The following FREM2 variants were observed in gnomAD, a reference collection of about 807,000 sequenced individuals.
FREM2 encodes the protein FRAS1-related extracellular matrix protein 2.
In FREM2, 119 loss-of-function variants were observed where a neutral mutation model predicts 219.9. The ratio of observed to expected loss-of-function variants is 0.54; its 90% CI spans 0.47 to 0.63. The LOEUF (loss-of-function observed/expected upper bound fraction) is 0.63. Among genes scored for constraint, FREM2 ranks in the 30% least tolerant of loss-of-function variants. The pLI is 0.00. For missense variants in FREM2, 4,030 were observed against 3,993.6 expected (o/e 1.01, Z -0.25); for synonymous variants, 1,562 against 1,522.8 (o/e 1.03, Z -0.60).
At position 38,734,648 on chromosome 13, in the gene FREM2, C is replaced by A. The variant is rs138780738; in HGVS notation, c.5264-29656C>A. 1.2e-3 allele frequency among the ~76,000 whole-genome samples: 182 copies of A among 150,612 alleles called. 2 individuals carry two copies. The East Asian group carries it at 0.03, about 25-fold the overall frequency. ...TTGATTCATTTGAATATAATAACAG[C>A]AATCCTATGACATATTAAATAACAT... On this transcript the variant is annotated intron_variant, in intron 2 of 23. Transcript: ENST00000280481.
Position 38,874,471 on chromosome 13 carries a change from C to T in FREM2, c.8177-11C>T. The T allele has an allele frequency of 2.5e-6, 4 of 1,606,720 alleles. No individual in the cohort carries two copies. Among genetic ancestry groups the T allele is most frequent in the Non-Finnish European group, 3.4e-6 (4 of 1,173,320 alleles). ...CATATATTTTCATTCTTGGTACTCT[C>T]CCCATTATAGGTTCTCTCTATCCAA... On this transcript the variant is annotated splice_polypyrimidine_tract_variant and intron_variant, in intron 17 of 23. Coordinates refer to ENST00000280481, the MANE Select transcript of FREM2 (RefSeq NM_207361.6).
chr13:38,730,480 C>T (rs1024743317), intron 2 of FREM2, among the ~76,000 whole-genome samples: 2 of 152,170 alleles, frequency 1.3e-5, no homozygotes, highest in Admixed American at 6.6e-5. Context: ...TGTGAGCTTT[C>T]GCTGTTCTAT....
At chr13:38,768,090 G>C (rs1450511024) in intron 3 of FREM2, among the ~76,000 whole-genome samples, 2 of 152,106 alleles carry the variant, frequency 1.3e-5, no homozygotes. Context: ...CATGGAATAA[G>C]TACTCAATGA....
intron 6 of FREM2, chr13:38,827,289 A>G (rs1876327022): frequency 6.6e-6 from 1 of 152,092 alleles, no homozygotes; most frequent in Non-Finnish European, 1.5e-5. Flanking sequence ...GTGAGCATTA[A>G]GACAATATAA....
chr13:38,816,827 A>G (rs1489245449), intron 6 of FREM2, among the ~76,000 whole-genome samples: 1 of 152,164 alleles, frequency 6.6e-6, no homozygotes, highest in Non-Finnish European at 1.5e-5. Context: ...AGAAAACCTT[A>G]AAGACTCCAT....
chr13:38,787,913 G>A (rs760072531), intron 6 of FREM2, among the ~76,000 whole-genome samples: 17 of 151,852 alleles, frequency 1.1e-4, no homozygotes, highest in Non-Finnish European at 2.2e-4. Context: ...AGGGAGGATG[G>A]GTCTCATGAG....
intron 9 of FREM2, among the ~76,000 whole-genome samples, chr13:38,850,546 A>G (rs2137911015): frequency 6.6e-6 from 1 of 152,342 alleles, no homozygotes; most frequent in Non-Finnish European, 1.5e-5. Context: ...TTTGTTTAGT[A>G]AGTCAAAAGT....
intron 2 of FREM2, among the ~76,000 whole-genome samples, chr13:38,737,766 G>A (rs937397367): frequency 1.3e-5 from 2 of 152,222 alleles, no homozygotes; most frequent in African/African-American, 4.8e-5. Context: ...AGGGGAATGA[G>A]ACTGGGAATG....
At chr13:38,746,544 G>A (rs1268298626) in intron 2 of FREM2, among the ~76,000 whole-genome samples, 3 of 152,172 alleles carry the variant, frequency 2.0e-5, no homozygotes, top group Non-Finnish European at 4.4e-5. Flanking sequence ...ATGGTCTAAA[G>A]TAGGCAAAGA....
At chr13:38,735,223 T>G (rs1871941761) in intron 2 of FREM2, among the ~76,000 whole-genome samples, 1 of 152,210 alleles carries the variant, frequency 6.6e-6, no homozygotes, top group African/African-American at 2.4e-5. Context: ...CATGCTATAT[T>G]TAATGATTAG....
In FREM2 at chr13:38,851,025, G is replaced by T; in HGVS notation, c.6659G>T (p.Gly2220Val). 1 of 1,613,916 alleles carries T rather than the reference G, an allele frequency of 6.2e-7. No homozygotes were observed. Among genetic ancestry groups the T allele is most frequent in the Non-Finnish European group, 8.5e-7 (1 of 1,179,984 alleles). The stretch of plus-strand genomic sequence containing the variant: ...GTAGAGGAGCTCCGCCTGGTACTCG[G>T]CACTCCACAAAGCAACTCTCCCTTT... ...EEVEELRLVLGTPQSNSPFGA... is the reference protein window; with the variant it reads ...EEVEELRLVLVTPQSNSPFGA... Residue 2220 changes from glycine (G) to valine (V), a missense_variant, in exon 10 of 24, where the codon GGC becomes GTC. By Grantham distance (109) the Gly-to-Val change is moderately radical (BLOSUM62 -3). Around this residue, in one of 2 missense-constraint regions of FREM2, gnomAD observed 3,102 missense variants for 2,950.7 expected, o/e 1.05. Transcript: ENST00000280481.
At chr13:38,737,690 A>G (rs1872054749) in intron 2 of FREM2, among the ~76,000 whole-genome samples, 1 of 152,214 alleles carries the variant, frequency 6.6e-6, no homozygotes, top group Non-Finnish European at 1.5e-5. Context: ...GAGAGACTGC[A>G]TCATGTATCT....
intron 6 of FREM2, among the ~76,000 whole-genome samples, chr13:38,825,461 C>CGT (rs1876245582): frequency 6.6e-6 from 1 of 151,820 alleles, no homozygotes; most frequent in Non-Finnish European, 1.5e-5. Context: ...GTAGTATATT[C>CGT]ACAGAATATC....
chr13:38,705,810 C>T (rs1361601654), intron 2 of FREM2, among the ~76,000 whole-genome samples: 1 of 152,030 alleles, frequency 6.6e-6, no homozygotes, highest in Non-Finnish European at 1.5e-5. Flanking sequence ...TCTTTATTTC[C>T]CCTCCCTCCC....
chr13:38,731,254 C>T (rs1481796200), intron 2 of FREM2, among the ~76,000 whole-genome samples: 1 of 152,126 alleles, frequency 6.6e-6, no homozygotes, highest in Non-Finnish European at 1.5e-5. Context: ...TTAGAAACTA[C>T]TTTATTTTTC....
intron 4 of FREM2, chr13:38,779,437 C>T (rs1464369309): frequency 6.6e-6 from 1 of 151,554 alleles, no homozygotes; most frequent in Non-Finnish European, 1.5e-5. Context: ...CTCACTTGGG[C>T]AGGTCACATA....
At chr13:38,737,670 A>G (rs1350354252) in intron 2 of FREM2, among the ~76,000 whole-genome samples, 1 of 152,194 alleles carries the variant, frequency 6.6e-6, no homozygotes, top group East Asian at 1.9e-4. Flanking sequence ...TTAGAGTTGA[A>G]TGGAACCCTG....
chr13:38,812,857 T>A (rs774756719), intron 6 of FREM2, among the ~76,000 whole-genome samples: 19 of 149,822 alleles, frequency 1.3e-4, no homozygotes, highest in Non-Finnish European at 2.5e-4. Flanking sequence ...CACTCCAGTC[T>A]GGGTGACAGA....
chr13:38,857,803 ATTG>A (rs1877616472), intron 12 of FREM2, 69 bp from the exon 13 acceptor site: 1 of 1,315,804 alleles, frequency 7.6e-7, no homozygotes, highest in South Asian at 1.2e-5. Flanking sequence ...GATCGTGAGT[ATTG>A]TTCTGTGTGG....
Sources: gnomAD v4.1 joint callset for allele counts (sites outside exome capture counted in the v4.1 genomes callset) on GRCh38, gnomAD v4.1.1 for gene constraint, gnomAD v4.1.1 regional missense constraint, MANE v1.5 for transcripts, NCBI Gene and HGNC (gene_info 2026-07-23, HGNC 2026-07-21) for gene names.